ACER1: variants seen among roughly 807,000 people sequenced by gnomAD.
ACER1 encodes the protein CTB-180A7.3.
ACER1 carries 28 observed loss-of-function variants against 24.9 expected under a neutral mutation model. That is an observed-to-expected ratio of 1.13 (90% CI 0.83 to 1.54). The LOEUF is 1.54. Ranked by LOEUF, ACER1 falls within the 40% of genes most tolerant of loss-of-function variation. The pLI, the probability that ACER1 is intolerant of heterozygous loss-of-function variation, is 0.00. For synonymous variants in ACER1, 132 were observed against 131.4 expected (o/e 1.00, Z -0.03); for missense variants, 352 against 349.3 (o/e 1.01, Z -0.06).
rs112422404 is a variant in ACER1, at chr19:6,317,843, C to T, written c.94-5344G>A. ...AATCTTGGCTCACTGCAACCTCCACCGCCCGGGTTCAAGCAATTCTCCTGC... is the reference window on the plus strand; with the variant it reads ...AATCTTGGCTCACTGCAACCTCCACTGCCCGGGTTCAAGCAATTCTCCTGC... On this transcript the variant is annotated intron_variant, in intron 1 of 5. Coordinates refer to ENST00000301452, the MANE Select transcript of ACER1 (RefSeq NM_133492.3). Among the ~76,000 whole-genome samples, 475 of 152,064 alleles carry T rather than the reference C, an allele frequency of 3.1e-3. 1 individual carries two copies. The highest frequency in any genetic ancestry group is 0.011 in the African/African-American group (452 of 41,468).
At chr19:6,358,579 A>C in the ACER1 span, among the ~76,000 whole-genome samples, 1 of 149,230 alleles carries the variant, frequency 6.7e-6, no homozygotes, top group Non-Finnish European at 1.5e-5. Context: ...GTGAGCCGAG[A>C]CCGCACCACT....
At chr19:6,327,968 C>T (rs886967447) in intron 1 of ACER1, among the ~76,000 whole-genome samples, 6 of 151,048 alleles carry the variant, frequency 4.0e-5, no homozygotes, top group South Asian at 2.1e-4. Flanking sequence ...CCCAGCTACT[C>T]GGGAGGTTGA....
intron 1 of ACER1, among the ~76,000 whole-genome samples, chr19:6,321,250 C>T (rs2091629287): frequency 6.6e-6 from 1 of 151,988 alleles, no homozygotes; most frequent in Admixed American, 6.6e-5. Context: ...ATTCTCCTGC[C>T]TCAGCCACCT....
Position 6,331,299 on chromosome 19 carries a change from G to A in ACER1, c.93+2160C>T, listed in dbSNP as rs992331837. ...TGAGTAGCTGGGACTACAGGCGCCC[G>A]GCACCATGCCTGGCTAATTTTTTGT... On this transcript the variant is annotated intron_variant, in intron 1 of 5. Transcript: ENST00000301452. Among the ~76,000 whole-genome samples the A allele has an allele frequency of 8.1e-5, 12 of 148,056 alleles. 1 individual carries two copies. Among genetic ancestry groups the A allele is most frequent in the Non-Finnish European group, 1.5e-4 (10 of 67,662 alleles).
chr19:6,354,870 CGAGCCGAAGCTGGACTGT>C, the ACER1 span, among the ~76,000 whole-genome samples: 1 of 152,158 alleles, frequency 6.6e-6, no homozygotes. Context: ...CCACTGATGC[CGAGCCGAAGCTGGACTGT>C]ACTGCTGCCA....
At chr19:6,316,534 T>C (rs1442147265) in intron 1 of ACER1, among the ~76,000 whole-genome samples, 3 of 151,770 alleles carry the variant, frequency 2.0e-5, no homozygotes, top group African/African-American at 7.3e-5. Flanking sequence ...GAAAATCAAA[T>C]ATCGGGCCGG....
At chr19:6,347,109 A>AAAAAAAAAATATATAT in the ACER1 span, among the ~76,000 whole-genome samples, 100 of 113,760 alleles carry the variant, frequency 8.8e-4, 3 homozygotes, top group African/African-American at 4.6e-3. Flanking sequence ...AAAAAAAAAA[A>AAAAAAAAAATATATAT]ATATATATAT....
the ACER1 span, among the ~76,000 whole-genome samples, chr19:6,351,119 C>T: frequency 2.0e-5 from 3 of 152,124 alleles, no homozygotes; most frequent in Non-Finnish European, 2.9e-5. Flanking sequence ...GTAATCTCAG[C>T]ACTTTGGGAG....
At chr19:6,330,019 C>T (rs1392445953) in intron 1 of ACER1, among the ~76,000 whole-genome samples, 13 of 151,508 alleles carry the variant, frequency 8.6e-5, no homozygotes, top group Middle Eastern at 3.4e-3. Flanking sequence ...CACAGGCGCC[C>T]GCCACCACGC....
upstream of ACER1, among the ~76,000 whole-genome samples, chr19:6,336,299 C>T (rs1197048142): frequency 6.6e-6 from 1 of 152,142 alleles, no homozygotes; most frequent in Non-Finnish European, 1.5e-5. Context: ...CTCCTGAGCT[C>T]ATGCGATCCT....
At chr19:6,349,631 G>A in the ACER1 span, among the ~76,000 whole-genome samples, 1 of 152,166 alleles carries the variant, frequency 6.6e-6, no homozygotes, top group African/African-American at 2.4e-5. Context: ...TGGAGCCAGT[G>A]AGCCCCATCA....
rs183811411 is a variant in ACER1 at position 6,309,849 on chromosome 19, G to A, written c.351-15C>T. On this transcript the variant is annotated splice_polypyrimidine_tract_variant and intron_variant, in intron 3 of 5. Coordinates refer to ENST00000301452, the MANE Select transcript of ACER1 (RefSeq NM_133492.3). ...TGAACTGGGACCTGGGGAGGAAGGG[G>A]CTCAGCTGTAGGCGGGAAGGGAGGT... 1.2e-6 allele frequency: 2 copies of A among 1,613,740 alleles called. No individual in the cohort carries two copies. Among genetic ancestry groups the A allele is most frequent in the East Asian group, 4.5e-5 (2 of 44,854 alleles).
the ACER1 span, among the ~76,000 whole-genome samples, chr19:6,351,822 C>T: frequency 1.3e-5 from 2 of 151,986 alleles, no homozygotes; most frequent in Non-Finnish European, 2.9e-5. Context: ...TTTGGGAGGC[C>T]GAGGCGGGTG....
At position 6,325,139 on chromosome 19, in the gene ACER1, C is replaced by A. The variant is rs1222589128; in HGVS notation, c.93+8320G>T. Among the ~76,000 whole-genome samples the A allele has an allele frequency of 3.3e-5, 5 of 152,298 alleles. No individual in the cohort carries two copies. In the East Asian group the frequency reaches 5.8e-4, roughly 18 times the overall value. On this transcript the variant is annotated intron_variant, in intron 1 of 5. Transcript: ENST00000301452. ...AAATGCCACCGGTTGCCCCAGCTGA[C>A]CCCACATCATGACTCTCCTCTGTTC...
At chr19:6,342,972 T>C in the ACER1 span, among the ~76,000 whole-genome samples, 1 of 152,072 alleles carries the variant, frequency 6.6e-6, no homozygotes, top group South Asian at 2.1e-4. Context: ...AGACAGGGTT[T>C]CTCCATGTTG....
chr19:6,306,908 G>A (rs775307729), intron 5 of ACER1, 26 bp from the exon 6 acceptor site: 3 of 1,596,590 alleles, frequency 1.9e-6, no homozygotes, highest in East Asian at 2.2e-5. Flanking sequence ...CGAAGGTGGC[G>A]AGGGCACAAG....
rs932164872 is a variant in ACER1, at chr19:6,326,709, T to C, written c.93+6750A>G. Reference sequence around the variant, plus strand: ...GAAGAAATCTGTTTCTAATTCTGGGTCTCTTACAACCTGGGGACACCGAGC... The same window carrying C: ...GAAGAAATCTGTTTCTAATTCTGGGCCTCTTACAACCTGGGGACACCGAGC... On this transcript the variant is annotated intron_variant, in intron 1 of 5. Transcript: ENST00000301452. 1.3e-5 allele frequency among the ~76,000 whole-genome samples: 2 copies of C among 152,006 alleles called. 1 individual carries two copies. Among genetic ancestry groups the C allele is most frequent in the Admixed American group, 1.3e-4 (2 of 15,196 alleles).
rs1488487442 is a variant in ACER1 at position 6,331,020 on chromosome 19, C to A, written c.93+2439G>T. Among the ~76,000 whole-genome samples, 4 of 149,746 alleles carry A rather than the reference C, an allele frequency of 2.7e-5. 1 individual carries two copies. The highest frequency in any genetic ancestry group is 1.0e-4 in the African/African-American group (4 of 39,410). ...GCACAGCCTTCAAACTCCTTGAACA[C>A]CTGTTTTATCACCTGGAAAATGGGA... On this transcript the variant is annotated intron_variant, in intron 1 of 5. Coordinates refer to ENST00000301452, the MANE Select transcript of ACER1 (RefSeq NM_133492.3).
At chr19:6,346,050 G>T in the ACER1 span, among the ~76,000 whole-genome samples, 11 of 152,116 alleles carry the variant, frequency 7.2e-5, no homozygotes, top group African/African-American at 2.7e-4. Context: ...TCCAAGGTGG[G>T]TTAATTCCAT....
Sources: gnomAD v4.1 joint callset for allele counts (sites outside exome capture counted in the v4.1 genomes callset) on GRCh38, gnomAD v4.1.1 for gene constraint, MANE v1.5 for transcripts, NCBI Gene and HGNC (gene_info 2026-07-23, HGNC 2026-07-21) for gene names.